DNAAF10: variants seen among roughly 807,000 people sequenced by gnomAD.
The protein encoded by DNAAF10 is dynein axonemal assembly factor 10.
A neutral mutation model predicts 43.7 loss-of-function variants in DNAAF10; 28 were observed. That is an observed-to-expected ratio of 0.64 (90% CI 0.48 to 0.88). DNAAF10 has a LOEUF of 0.88. Ranked by LOEUF, DNAAF10 falls within the 40% of genes least tolerant of loss-of-function variation. The probability of loss-of-function intolerance (pLI) is 0.00; values close to 1 mark genes in which losing one functional copy is unlikely to be tolerated. For missense variants in DNAAF10, 403 were observed against 439.1 expected (o/e 0.92, Z 0.73); for synonymous variants, 156 against 157.3 (o/e 0.99, Z 0.06).
Position 68,138,696 on chromosome 2 carries a change from T to C in DNAAF10, c.633+46A>G, listed in dbSNP as rs1280622027. 8 of 1,384,776 alleles carry C rather than the reference T, an allele frequency of 5.8e-6. No homozygotes were observed. The South Asian group carries it at 7.0e-5, about 12-fold the overall frequency. The allele number at this position is 1,384,776 out of a possible 1,614,324, so 85.8% of individuals were successfully genotyped here. A position where few individuals can be genotyped will look rare whatever the true frequency, so the allele number is the denominator to read the frequency against. On this transcript the variant is annotated intron_variant, in intron 5 of 7. Transcript: ENST00000295121. The stretch of plus-strand genomic sequence containing the variant: ...CCTTTTGTAATAGTTCAGAGGTGAA[T>C]GGAAACATGCTCAGAGAAACCAAAA...
intron 1 of DNAAF10, among the ~76,000 whole-genome samples, chr2:68,150,670 C>T (rs1421931103): frequency 6.6e-6 from 1 of 152,036 alleles, no homozygotes; most frequent in African/African-American, 2.4e-5. Context: ...AGGGCGGAGG[C>T]TGCAGTGAGC....
chr2:68,156,222 C>T (rs1001991512), intron 1 of DNAAF10, among the ~76,000 whole-genome samples: 2 of 150,500 alleles, frequency 1.3e-5, no homozygotes, highest in Non-Finnish European at 3.0e-5. Flanking sequence ...TTCAGGGAAA[C>T]TTAAAGCGGG....
rs777586711 is a variant in DNAAF10, at chr2:68,157,241, A to C, written c.183+20T>G. The C allele has an allele frequency of 2.5e-6, 4 of 1,603,648 alleles. No homozygotes were observed. Among genetic ancestry groups the C allele is most frequent in the Admixed American group, 1.7e-5 (1 of 59,272 alleles). On this transcript the variant is annotated intron_variant, in intron 1 of 7. Coordinates refer to ENST00000295121, the MANE Select transcript of DNAAF10 (RefSeq NM_138458.4). The stretch of plus-strand genomic sequence containing the variant: ...GCACTCGCCCCCAACGGCAGTCCGG[A>C]TCCTCGACCCGGCACCCACCTCCCG...
At chr2:68,134,250 C>G in intron 7 of DNAAF10, 1 of 995,542 alleles carries the variant, frequency 1.0e-6, no homozygotes, top group Non-Finnish European at 1.2e-6. Flanking sequence ...TTCATTGTAA[C>G]TCACCCTGCC....
chr2:68,154,004 C>G (rs4671875), intron 1 of DNAAF10, among the ~76,000 whole-genome samples: 36,064 of 151,812 alleles, frequency 0.24, 4,463 homozygotes, highest in African/African-American at 0.27. Flanking sequence ...CCCCCCGCCT[C>G]GGCCTCTCAA....
chr2:68,131,278 G>T lies in DNAAF10; in HGVS notation c.1034C>A (p.Thr345Lys). The change falls in exon 8 of 8, where the codon ACG becomes AAG. Residue 345 changes from threonine to lysine, a missense_variant. Physicochemically the swap from Thr to Lys is moderately conservative, Grantham distance 78. Coordinates refer to ENST00000295121, the MANE Select transcript of DNAAF10 (RefSeq NM_138458.4). ...GLCVCSSFDQ[T>K]VRVLIVTKLN... ...CTTTGTAACGATCAGTACTCTCACCGTTTGGTCAAATGAACTACAGACGCA... is the reference window on the plus strand; with the variant it reads ...CTTTGTAACGATCAGTACTCTCACCTTTTGGTCAAATGAACTACAGACGCA... The T allele has an allele frequency of 1.9e-6, 3 of 1,614,032 alleles. No homozygotes were observed. Among genetic ancestry groups the T allele is most frequent in the Non-Finnish European group, 2.5e-6 (3 of 1,179,988 alleles).
chr2:68,131,507 T>A, intron 7 of DNAAF10, 62 bp from the exon 8 acceptor site: 7 of 1,503,014 alleles, frequency 4.7e-6, no homozygotes, highest in Non-Finnish European at 6.5e-6. Flanking sequence ...TTTATTTTTA[T>A]ACATACACTT....
At chr2:68,151,082 G>A (rs1673446852) in intron 1 of DNAAF10, among the ~76,000 whole-genome samples, 1 of 152,174 alleles carries the variant, frequency 6.6e-6, no homozygotes, top group Non-Finnish European at 1.5e-5. Flanking sequence ...CTAAAAGTAT[G>A]TCTTTATTAC....
chr2:68,154,138 A>T lies in DNAAF10; in HGVS notation c.183+3123T>A, dbSNP rs557524654. 1.5e-3 allele frequency among the ~76,000 whole-genome samples: 234 copies of T among 152,204 alleles called. 1 individual carries two copies. Among genetic ancestry groups the T allele is most frequent in the Non-Finnish European group, 2.6e-3 (176 of 68,016 alleles). ...TTTAGGAGAAAGGACTCAACTTTTA[A>T]ATCTCTTCGGTCCTTGTTAAACACA... On this transcript the variant is annotated intron_variant, in intron 1 of 7. Transcript: ENST00000295121.
chr2:68,157,389 A>G lies in DNAAF10; in HGVS notation c.55T>C (p.Tyr19His), dbSNP rs372704771. The change falls in exon 1 of 8, where the codon TAC becomes CAC. Residue 19 changes from tyrosine to histidine, a missense_variant. Transcript: ENST00000295121. ...ACCCACTTACAGTCAAACACCGTGT[A>G]GTTGAAGCCCTTCTGGATATGGGCG... is the stretch of plus-strand genomic sequence containing the variant. ...IIAHIQKGFN[Y>H]TVFDCKWVPC... 3 of 1,614,130 alleles carry G rather than the reference A, an allele frequency of 1.9e-6. No individual in the cohort carries two copies. Among genetic ancestry groups the G allele is most frequent in the African/African-American group, 1.3e-5 (1 of 74,936 alleles).
intron 2 of DNAAF10, among the ~76,000 whole-genome samples, chr2:68,147,218 C>T (rs1046898258): frequency 1.3e-5 from 2 of 152,066 alleles, no homozygotes; most frequent in African/African-American, 4.8e-5. Flanking sequence ...TAGCACCAAA[C>T]TGCGTGTGTG....
intron 7 of DNAAF10, 193 bp downstream of exon 7, chr2:68,134,509 T>G: frequency 7.1e-7 from 1 of 1,413,020 alleles, no homozygotes. Flanking sequence ...AGAAGATTAG[T>G]GTACACTCTA....
intron 1 of DNAAF10, among the ~76,000 whole-genome samples, chr2:68,155,596 G>C (rs1167226546): frequency 1.3e-5 from 2 of 152,102 alleles, no homozygotes; most frequent in African/African-American, 4.8e-5. Flanking sequence ...GGGAGGGAGA[G>C]GCGGGAGGAT....
At chr2:68,132,209 G>A (rs1434752024) in intron 7 of DNAAF10, among the ~76,000 whole-genome samples, 1 of 152,096 alleles carries the variant, frequency 6.6e-6, no homozygotes, top group Non-Finnish European at 1.5e-5. Context: ...CTCCTCAGAA[G>A]GCCTTTTAAA....
At chr2:68,147,818 A>G (rs867653029) in intron 1 of DNAAF10, among the ~76,000 whole-genome samples, 61 of 152,346 alleles carry the variant, frequency 4.0e-4, no homozygotes, top group Admixed American at 8.5e-4. Context: ...AAATGCTGAC[A>G]GCTCTACAAT....
intron 2 of DNAAF10, among the ~76,000 whole-genome samples, chr2:68,146,351 T>G (rs1673316424): frequency 6.6e-6 from 1 of 152,186 alleles, no homozygotes; most frequent in Non-Finnish European, 1.5e-5. Context: ...TTAAACAAGA[T>G]TGTGGTTCTA....
At chr2:68,134,950 T>C (rs1244009999) in intron 6 of DNAAF10, 151 bp from the exon 7 acceptor site, 49 of 785,114 alleles carry the variant, frequency 6.2e-5, no homozygotes, top group Non-Finnish European at 8.5e-5. Flanking sequence ...ATAATGGCTA[T>C]AGAGATTTAT....
rs373974242 is a variant in DNAAF10 at position 68,134,506 on chromosome 2, T to G, written c.866+196A>C. On this transcript the variant is annotated intron_variant, in intron 7 of 7. Coordinates refer to ENST00000295121, the MANE Select transcript of DNAAF10 (RefSeq NM_138458.4). ...ATACTAAAATGTATCAAAAGAAGAT[T>G]AGTGTACACTCTACTAAGTGTAAAG... 26 of 1,393,836 alleles carry G rather than the reference T, an allele frequency of 1.9e-5. No homozygotes were observed. The South Asian group carries it at 2.0e-4, about 11-fold the overall frequency. The allele number at this position is 1,393,836 out of a possible 1,614,324, so 86.3% of individuals were successfully genotyped here.
At chr2:68,142,137 T>A (rs184622391) in intron 3 of DNAAF10, among the ~76,000 whole-genome samples, 2 of 152,342 alleles carry the variant, frequency 1.3e-5, no homozygotes, top group Admixed American at 1.3e-4. Context: ...TTAGGGAAAA[T>A]ACCAGTGTTG....
Sources: allele counts gnomAD v4.1 joint callset (sites outside exome capture counted in the v4.1 genomes callset), GRCh38; gene constraint gnomAD v4.1.1; transcripts MANE v1.5; gene names NCBI Gene and HGNC (gene_info 2026-07-23, HGNC 2026-07-21).